MEGF11: variants seen among roughly 807,000 people sequenced by gnomAD.
MEGF11 encodes multiple EGF like domains 11.
In MEGF11, 126 loss-of-function variants were observed where a neutral mutation model predicts 146.6. That is an observed-to-expected ratio of 0.86 (90% CI 0.74 to 1.00). The LOEUF is 1.00. Ranked by LOEUF, MEGF11 falls within the 50% of genes least tolerant of loss-of-function variation. The pLI is 0.00. For missense variants in MEGF11, 1,509 were observed against 1,521.2 expected, an observed-to-expected ratio of 0.99 and a Z score of 0.13; for synonymous variants, 532 against 583.4, an observed-to-expected ratio of 0.91 and a Z score of 1.27.
chr15:66,005,433 G>A (rs1483239202), intron 5 of MEGF11, among the ~76,000 whole-genome samples: 2 of 152,132 alleles, frequency 1.3e-5, no homozygotes, highest in Non-Finnish European at 2.9e-5. Flanking sequence ...AAACACTTAA[G>A]TGCAATACTA....
At chr15:66,189,365 G>A (rs2090809159) in intron 1 of MEGF11, among the ~76,000 whole-genome samples, 1 of 152,094 alleles carries the variant, frequency 6.6e-6, no homozygotes. Flanking sequence ...AACGAATGTG[G>A]GTATCACACT....
At chr15:66,159,959 A>G (rs1290176935) in intron 1 of MEGF11, among the ~76,000 whole-genome samples, 1 of 152,200 alleles carries the variant, frequency 6.6e-6, no homozygotes, top group Admixed American at 6.5e-5. Flanking sequence ...AGGAAACAGC[A>G]TAAGAGATCT....
rs970175554 is a variant in MEGF11, at chr15:66,216,251, C to T, written c.-9+37354G>A. 3.9e-5 allele frequency among the ~76,000 whole-genome samples: 6 copies of T among 152,136 alleles called. 1 individual carries two copies. Among genetic ancestry groups the T allele is most frequent in the Admixed American group, 2.0e-4 (3 of 15,280 alleles). ...AGTCTTTGGGGGAAGGATTCCAGAT[C>T]CTTCTTGAAATTATGCACTGTCCAA... On this transcript the variant is annotated intron_variant, in intron 1 of 25. Transcript: ENST00000395614.
At chr15:65,972,322 T>C (rs1327194496) in intron 7 of MEGF11, among the ~76,000 whole-genome samples, 1 of 152,184 alleles carries the variant, frequency 6.6e-6, no homozygotes, top group African/African-American at 2.4e-5. Context: ...ACAAAGTCTT[T>C]AGCAAAAATA....
At chr15:66,234,828 A>C (rs953832086) in intron 1 of MEGF11, among the ~76,000 whole-genome samples, 2 of 152,172 alleles carry the variant, frequency 1.3e-5, no homozygotes, top group African/African-American at 4.8e-5. Context: ...CTGTTCATAA[A>C]ACGCTGAGAA....
At chr15:65,910,342 C>A (rs1442372588) in intron 21 of MEGF11, among the ~76,000 whole-genome samples, 1 of 152,178 alleles carries the variant, frequency 6.6e-6, no homozygotes, top group Non-Finnish European at 1.5e-5. Flanking sequence ...TTCACAGCTG[C>A]CCTTCATATG....
intron 5 of MEGF11, among the ~76,000 whole-genome samples, chr15:66,079,512 C>A (rs8034323): frequency 6.8e-6 from 1 of 146,864 alleles, no homozygotes. Flanking sequence ...ACCCTAACAA[C>A]CTCCACCTGG....
At chr15:66,241,205 G>T (rs1394982298) in intron 1 of MEGF11, among the ~76,000 whole-genome samples, 6 of 152,164 alleles carry the variant, frequency 3.9e-5, no homozygotes, top group African/African-American at 1.4e-4. Flanking sequence ...ACTGAACCAG[G>T]CCCGCTGAGT....
chr15:66,118,376 C>T lies in MEGF11; in HGVS notation c.301+710G>A, dbSNP rs534957709. 2.0e-5 allele frequency among the ~76,000 whole-genome samples: 3 copies of T among 152,298 alleles called. No individual in the cohort carries two copies. In the East Asian group the frequency reaches 5.8e-4, roughly 29 times the overall value. Reference sequence around the variant, plus strand: ...CTGCTCCGGGGTGCCTCCACTGCACCACACTGCTCTTCTCCCAGAGGGCCT... The same window carrying T: ...CTGCTCCGGGGTGCCTCCACTGCACTACACTGCTCTTCTCCCAGAGGGCCT... On this transcript the variant is annotated intron_variant, in intron 4 of 25. Transcript: ENST00000395614.
At chr15:66,149,529 A>AC (rs773844387) in intron 1 of MEGF11, among the ~76,000 whole-genome samples, 1 of 150,774 alleles carries the variant, frequency 6.6e-6, no homozygotes, top group African/African-American at 2.4e-5. Flanking sequence ...CCACTGTCAC[A>AC]CCCCCCTCCA....
intron 1 of MEGF11, among the ~76,000 whole-genome samples, chr15:66,213,711 C>A (rs764293078): frequency 6.6e-6 from 1 of 151,908 alleles, no homozygotes; most frequent in Non-Finnish European, 1.5e-5. Context: ...GCCACCACAC[C>A]CAGCCTTAAA....
intron 1 of MEGF11, among the ~76,000 whole-genome samples, chr15:66,148,226 G>A (rs1033028684): frequency 2.0e-5 from 3 of 152,078 alleles, no homozygotes; most frequent in East Asian, 3.8e-4. Context: ...TGTGATGTAG[G>A]GAAAAGAAAG....
Position 65,913,771 on chromosome 15 carries a change from G to A in MEGF11, c.2676C>T (p.Ala892=), listed in dbSNP as rs922762939. 6.2e-7 allele frequency: 1 copy of A among 1,613,582 alleles called. No homozygotes were observed. The highest frequency in any genetic ancestry group is 8.5e-7 in the Non-Finnish European group (1 of 1,179,712). ...DLAPRVSYTP[A]MRMTSTDYSL... ...AGTAGTCGGTGCTGGTCATCCTCAT[G>A]GCAGGTGTGTAGGAGACACGGGGAG... is the stretch of plus-strand genomic sequence containing the variant. Residue 892 remains alanine (A), a synonymous_variant, in exon 20 of 26, where the codon GCC becomes GCT. Coordinates refer to ENST00000395614, the MANE Select transcript of MEGF11 (RefSeq NM_001385028.1).
At chr15:65,983,424 A>G (rs141244574) in intron 5 of MEGF11, among the ~76,000 whole-genome samples, 7 of 152,308 alleles carry the variant, frequency 4.6e-5, no homozygotes, top group African/African-American at 9.6e-5. Context: ...GGGACACACA[A>G]TAACAAGATG....
In MEGF11 at chr15:65,968,904, A is replaced by T. The variant is rs575966024; in HGVS notation, c.899+1649T>A. 3.9e-5 allele frequency among the ~76,000 whole-genome samples: 6 copies of T among 152,224 alleles called. No individual in the cohort carries two copies. In the East Asian group the frequency reaches 1.2e-3, roughly 29 times the overall value. On this transcript the variant is annotated intron_variant, in intron 8 of 25. Transcript: ENST00000395614. ...ACTCAACTTTAATATGCTCATGATG[A>T]TTTGGGGTGGGTTAATGCAGCTGTC... is the stretch of plus-strand genomic sequence containing the variant.
chr15:65,909,439 C>G (rs2078728041), intron 22 of MEGF11, among the ~76,000 whole-genome samples: 1 of 152,028 alleles, frequency 6.6e-6, no homozygotes, highest in Admixed American at 6.5e-5. Context: ...TTGGTAGGGC[C>G]TGGGTCAAGC....
In MEGF11 at chr15:65,895,662, A is replaced by G. The variant is rs772685132; in HGVS notation, c.*2272T>C. 1 of 152,652 alleles carries G rather than the reference A, an allele frequency of 6.6e-6. No individual in the cohort carries two copies. The highest frequency in any genetic ancestry group is 6.5e-5 in the Admixed American group (1 of 15,286). The allele number at this position is 152,652 out of a possible 1,614,324, so 9.5% of individuals were successfully genotyped here. A position where few individuals can be genotyped will look rare whatever the true frequency, so the allele number is the denominator to read the frequency against. On this transcript the variant is annotated 3_prime_UTR_variant, in exon 26 of 26. Coordinates refer to ENST00000395614, the MANE Select transcript of MEGF11 (RefSeq NM_001385028.1). ...ATAGGGGAAGGCAGCTATTGTCACC[A>G]TAATCACACCCTCTGCCTTTCCCTT...
chr15:66,211,772 T>G (rs914018213), intron 1 of MEGF11, among the ~76,000 whole-genome samples: 3 of 151,808 alleles, frequency 2.0e-5, no homozygotes, highest in African/African-American at 7.3e-5. Flanking sequence ...GGAAGTCTCA[T>G]GAAAGTGGTA....
chr15:66,065,531 A>G (rs1381163529), intron 5 of MEGF11, among the ~76,000 whole-genome samples: 1 of 152,064 alleles, frequency 6.6e-6, no homozygotes, highest in East Asian at 1.9e-4. Flanking sequence ...TCCCTTGTGG[A>G]GACTCAGACC....
Sources: gnomAD v4.1 joint callset for allele counts (sites outside exome capture counted in the v4.1 genomes callset) on GRCh38, gnomAD v4.1.1 for gene constraint, MANE v1.5 for transcripts, NCBI Gene and HGNC (gene_info 2026-07-23, HGNC 2026-07-21) for gene names.